CFAP77: variants seen among roughly 807,000 people sequenced by gnomAD.
CFAP77 encodes cilia and flagella associated protein 77, also known as cilia- and flagella-associated protein 77.
A neutral mutation model predicts 31.1 loss-of-function variants in CFAP77; 25 were observed. The ratio of observed to expected loss-of-function variants is 0.80; its 90% CI spans 0.59 to 1.12. The LOEUF is 1.12. Among genes scored for constraint, CFAP77 ranks in the 50% most tolerant of loss-of-function variants. The pLI is 0.00. For synonymous variants in CFAP77, 151 were observed against 159.9 expected (o/e 0.94, Z 0.42); for missense variants, 377 against 397.3 (o/e 0.95, Z 0.44).
intron 3 of CFAP77, among the ~76,000 whole-genome samples, chr9:132,512,834 C>G (rs1261374857): frequency 1.3e-5 from 2 of 152,158 alleles, no homozygotes; most frequent in African/African-American, 2.4e-5. Context: ...GCAATCCCAG[C>G]TACTTGGGAG....
At chr9:132,473,072 G>A (rs1364633145) in intron 1 of CFAP77, among the ~76,000 whole-genome samples, 1 of 152,142 alleles carries the variant, frequency 6.6e-6, no homozygotes, top group Non-Finnish European at 1.5e-5. Flanking sequence ...GAGCCGGGGT[G>A]TGCAGGGACC....
intron 1 of CFAP77, among the ~76,000 whole-genome samples, chr9:132,423,549 A>G (rs892403706): frequency 2.0e-5 from 3 of 152,222 alleles, no homozygotes. Flanking sequence ...TAGAGGTCAC[A>G]CAAATTGCCC....
At chr9:132,570,595 A>AT (rs201545243) in intron 5 of CFAP77, among the ~76,000 whole-genome samples, 4 of 151,294 alleles carry the variant, frequency 2.6e-5, no homozygotes, top group Admixed American at 6.6e-5. Flanking sequence ...ACTTGTGGGC[A>AT]TTTTTTTTTC....
In CFAP77 at chr9:132,502,278, G is replaced by T. The variant is rs866592731; in HGVS notation, c.524+2678G>T. On this transcript the variant is annotated intron_variant, in intron 3 of 5. Transcript: ENST00000393216. ...ATATATATATATATTTTTTTTTTTT[G>T]GGGGAGGGGGGTGGTAGTTCCTTCT... Among the ~76,000 whole-genome samples, 134 of 44,542 alleles carry T rather than the reference G, an allele frequency of 3.0e-3. No individual in the cohort carries two copies. In the East Asian group the frequency reaches 0.039, roughly 13 times the overall value. The allele number at this position is 44,542 out of a possible 152,430, so 29.2% of individuals were successfully genotyped here. A position where few individuals can be genotyped will look rare whatever the true frequency, so the allele number is the denominator to read the frequency against.
At chr9:132,427,958 A>G (rs557933474) in intron 1 of CFAP77, among the ~76,000 whole-genome samples, 4 of 151,740 alleles carry the variant, frequency 2.6e-5, no homozygotes, top group Admixed American at 1.3e-4. Flanking sequence ...AACATTCTCC[A>G]TTGACCCCAT....
chr9:132,479,325 C>T lies in CFAP77; in HGVS notation c.196-19370C>T, dbSNP rs1372167102. Among the ~76,000 whole-genome samples the T allele has an allele frequency of 2.6e-5, 4 of 152,138 alleles. No individual in the cohort carries two copies. In the East Asian group the frequency reaches 5.8e-4, roughly 22 times the overall value. On this transcript the variant is annotated intron_variant, in intron 1 of 5. Coordinates refer to ENST00000393216, the MANE Select transcript of CFAP77 (RefSeq NM_001282957.2). ...ACCCTCAGGGAGCTCAGACCTTTTC[C>T]CCCATAGTTCATCCCACCATTGTTC...
chr9:132,505,872 C>T (rs570628944), intron 3 of CFAP77, among the ~76,000 whole-genome samples: 161 of 152,182 alleles, frequency 1.1e-3, no homozygotes, highest in Non-Finnish European at 2.0e-3. Context: ...TTGTCTCGAT[C>T]CCTCAGCTAA....
In CFAP77 at chr9:132,508,128, A is replaced by G. The variant is rs574822034; in HGVS notation, c.524+8528A>G. On this transcript the variant is annotated intron_variant, in intron 3 of 5. Coordinates refer to ENST00000393216, the MANE Select transcript of CFAP77 (RefSeq NM_001282957.2). ...GACTTTGAGACAGTTATCAGAAGCA[A>G]AGAGAGAGTCCATCTGAGACCCAGA... Among the ~76,000 whole-genome samples, 3 of 152,262 alleles carry G rather than the reference A, an allele frequency of 2.0e-5. No individual in the cohort carries two copies. The South Asian group carries it at 6.2e-4, about 32-fold the overall frequency.
Position 132,565,321 on chromosome 9 carries a change from C to T in CFAP77, c.733-7067C>T, listed in dbSNP as rs776244677. ...CCAGATGGAGGTAGATTTCCCCAGT[C>T]CACAATCTTATTAAATAGCTCTTGT... is the stretch of plus-strand genomic sequence containing the variant. On this transcript the variant is annotated intron_variant, in intron 5 of 5. Coordinates refer to ENST00000393216, the MANE Select transcript of CFAP77 (RefSeq NM_001282957.2). This position sits in a 1 kb window ranked among gnomAD's most constrained non-coding sequence, Gnocchi z 4.1. Among the ~76,000 whole-genome samples the T allele has an allele frequency of 1.7e-4, 26 of 151,990 alleles. No individual in the cohort carries two copies. Among genetic ancestry groups the T allele is most frequent in the Non-Finnish European group, 2.8e-4 (19 of 68,004 alleles).
chr9:132,540,076 G>A (rs1007475415), intron 4 of CFAP77, among the ~76,000 whole-genome samples: 5 of 152,034 alleles, frequency 3.3e-5, no homozygotes, highest in Admixed American at 6.5e-5. Flanking sequence ...GATTACAGGC[G>A]CCTGCCACCA....
intron 5 of CFAP77, among the ~76,000 whole-genome samples, chr9:132,544,329 C>T (rs908922494): frequency 6.6e-6 from 1 of 152,158 alleles, no homozygotes; most frequent in Non-Finnish European, 1.5e-5. Flanking sequence ...AGCTCCGCAG[C>T]TCCTCTCACC....
intron 3 of CFAP77, among the ~76,000 whole-genome samples, chr9:132,519,219 A>T: frequency 1.5e-5 from 1 of 68,910 alleles, no homozygotes; most frequent in South Asian, 6.0e-4. Context: ...TGGGTAGGTG[A>T]GTGGGTGGAT....
chr9:132,502,265 A>ATATATAT (rs1469260414), intron 3 of CFAP77, among the ~76,000 whole-genome samples: 8 of 83,878 alleles, frequency 9.5e-5, no homozygotes, highest in African/African-American at 3.3e-4. Context: ...ATATATATAT[A>ATATATAT]TTTTTTTTTT....
At chr9:132,485,510 AG>A (rs1449643564) in intron 1 of CFAP77, among the ~76,000 whole-genome samples, 2 of 152,170 alleles carry the variant, frequency 1.3e-5, no homozygotes, top group East Asian at 3.9e-4. Flanking sequence ...GCCATGTGAC[AG>A]GGTAGAGGCT....
At chr9:132,551,450 C>T (rs1215053237) in intron 5 of CFAP77, among the ~76,000 whole-genome samples, 1 of 152,182 alleles carries the variant, frequency 6.6e-6, no homozygotes, top group Non-Finnish European at 1.5e-5. Context: ...CATCCGCCAC[C>T]ACGCCCGGCT....
intron 5 of CFAP77, among the ~76,000 whole-genome samples, chr9:132,562,834 G>C (rs1829833503): frequency 6.6e-6 from 1 of 151,090 alleles, no homozygotes; most frequent in African/African-American, 2.4e-5. Flanking sequence ...TGAGTAGCTG[G>C]GATTGCAGAC....
At chr9:132,418,593 T>C (rs1850150742) in intron 1 of CFAP77, among the ~76,000 whole-genome samples, 1 of 152,256 alleles carries the variant, frequency 6.6e-6, no homozygotes, top group Non-Finnish European at 1.5e-5. Context: ...TCCGTTTCGT[T>C]TCCCGAGCAA....
chr9:132,533,217 C>T (rs1022347832), intron 3 of CFAP77, among the ~76,000 whole-genome samples: 4 of 152,342 alleles, frequency 2.6e-5, no homozygotes, highest in African/African-American at 9.6e-5. Context: ...AAGGGCCCTT[C>T]AGCTGCCGAA....
rs549423724 is a variant in CFAP77, at chr9:132,429,507, T to C, written c.195+19041T>C. Among the ~76,000 whole-genome samples the C allele has an allele frequency of 1.4e-4, 17 of 124,540 alleles. No homozygotes were observed. In the East Asian group the frequency reaches 3.5e-3, roughly 26 times the overall value. The allele number at this position is 124,540 out of a possible 152,430, so 81.7% of individuals were successfully genotyped here. On this transcript the variant is annotated intron_variant, in intron 1 of 5. Transcript: ENST00000393216. ...GAGCCAAGATCGCACCACCGCACTC[T>C]AGCCCAGGTGACAGAACGAGACTTC...
Sources: gnomAD v4.1 joint callset for allele counts (sites outside exome capture counted in the v4.1 genomes callset) on GRCh38, gnomAD v4.1.1 for gene constraint, Gnocchi (gnomAD v3.1) non-coding constraint, MANE v1.5 for transcripts, NCBI Gene and HGNC (gene_info 2026-07-23, HGNC 2026-07-21) for gene names.